PLA2G4C: variants seen among roughly 807,000 people sequenced by gnomAD.
PLA2G4C encodes the protein cytosolic phospholipase A2 gamma.
Under a neutral mutation model 73.8 loss-of-function variants are expected in PLA2G4C, and 64 were observed. The observed-to-expected ratio is 0.87, with a 90% CI of 0.71 to 1.07. PLA2G4C has a LOEUF of 1.07. PLA2G4C is among the 50% of genes least tolerant of loss of function. The pLI, the probability that PLA2G4C is intolerant of heterozygous loss-of-function variation, is 0.00. For missense variants in PLA2G4C, 622 were observed against 665.4 expected, an observed-to-expected ratio of 0.93 and a Z score of 0.72; for synonymous variants, 254 against 252.1, an observed-to-expected ratio of 1.01 and a Z score of -0.07.
chr19:48,064,216 G>C (rs565849506), intron 13 of PLA2G4C, among the ~76,000 whole-genome samples: 5 of 152,262 alleles, frequency 3.3e-5, no homozygotes, highest in African/African-American at 1.2e-4. Flanking sequence ...ATCACCTGAG[G>C]TCAGGAGTTC....
At chr19:48,101,257 T>C (rs140958796) in intron 4 of PLA2G4C, among the ~76,000 whole-genome samples, 1,637 of 151,492 alleles carry the variant, frequency 0.011, 35 homozygotes, top group African/African-American at 0.037. Context: ...CCCAAGTAGC[T>C]GGGACCACTA....
intron 13 of PLA2G4C, among the ~76,000 whole-genome samples, chr19:48,064,361 G>A (rs558919647): frequency 1.2e-4 from 18 of 151,564 alleles, no homozygotes; most frequent in East Asian, 9.7e-4. Flanking sequence ...CCCGGGAGGC[G>A]GAGGTTGCAG....
At position 48,095,512 on chromosome 19, in the gene PLA2G4C, C is replaced by T. The variant is rs904826782; in HGVS notation, c.661G>A (p.Gly221Arg). The change falls in exon 7 of 17, where the codon GGA becomes AGA. Residue 221 changes from glycine to arginine, a missense_variant. Gly to Arg is a moderately radical substitution (Grantham distance 125). Transcript: ENST00000599921. ...ITHFGSKFKK[G>R]RLVRTHPERD... Reference sequence around the variant, plus strand: ...TCAGGGTGAGTTCTGACCAGTCTTCCCTTCTTGAATTTGCTTCCGAAGTGG... The same window carrying T: ...TCAGGGTGAGTTCTGACCAGTCTTCTCTTCTTGAATTTGCTTCCGAAGTGG... 1 of 1,613,946 alleles carries T rather than the reference C, an allele frequency of 6.2e-7. No individual in the cohort carries two copies. Among genetic ancestry groups the T allele is most frequent in the African/African-American group, 1.3e-5 (1 of 74,874 alleles).
At chr19:48,070,108 A>G (rs2122528868) in intron 12 of PLA2G4C, among the ~76,000 whole-genome samples, 1 of 152,250 alleles carries the variant, frequency 6.6e-6, no homozygotes, top group Non-Finnish European at 1.5e-5. Flanking sequence ...CTCATCTGTA[A>G]AACCAGGAAG....
chr19:48,082,876 C>T (rs868612959), intron 10 of PLA2G4C, among the ~76,000 whole-genome samples: 82 of 145,980 alleles, frequency 5.6e-4, no homozygotes, highest in African/African-American at 1.9e-3. Context: ...TGCAGTGGCT[C>T]GATCTTGGCT....
intron 14 of PLA2G4C, among the ~76,000 whole-genome samples, chr19:48,058,691 G>A (rs974803063): frequency 1.3e-5 from 2 of 151,796 alleles, no homozygotes; most frequent in South Asian, 2.1e-4. Flanking sequence ...GGTGGCGGGC[G>A]CCTGTAATCC....
At chr19:48,068,032 G>A (rs1301367706) in intron 12 of PLA2G4C, 146 bp from the exon 13 acceptor site, 32 of 660,702 alleles carry the variant, frequency 4.8e-5, no homozygotes, top group Middle Eastern at 6.5e-4. Context: ...GGGCCGGCGC[G>A]TTGGCTCACG....
At chr19:48,083,871 T>C (rs116307459) in intron 10 of PLA2G4C, among the ~76,000 whole-genome samples, 4,170 of 152,144 alleles carry the variant, frequency 0.027, 152 homozygotes, top group African/African-American at 0.084. Context: ...AGAACCACCA[T>C]ACGATTCCCC....
intron 13 of PLA2G4C, among the ~76,000 whole-genome samples, chr19:48,067,415 G>A (rs906150105): frequency 3.9e-5 from 6 of 152,064 alleles, no homozygotes; most frequent in East Asian, 1.9e-4. Flanking sequence ...TGATCCGCCC[G>A]CCTCAGCCTC....
Position 48,085,077 on chromosome 19 carries a change from T to C in PLA2G4C, c.826A>G (p.Ile276Val). 1 of 1,612,458 alleles carries C rather than the reference T, an allele frequency of 6.2e-7. No homozygotes were observed. The stretch of plus-strand genomic sequence containing the variant: ...TACTCACCAAAAATAAGGTGTCCAA[T>C]GCTTTTAGCATTAGCAACAGCCCTT... ...WRRAVANAKS[I>V]GHLIFARLLR... Residue 276 changes from isoleucine to valine, a missense_variant, in exon 10 of 17, where the codon ATT (isoleucine) becomes GTT (valine). Coordinates refer to ENST00000599921, the MANE Select transcript of PLA2G4C (RefSeq NM_003706.3).
rs761977664 is a variant in PLA2G4C at position 48,055,072 on chromosome 19, T to C, written c.1258-23A>G. On this transcript the variant is annotated intron_variant, in intron 14 of 16. Transcript: ENST00000599921. Reference sequence around the variant, plus strand: ...GGTCTGAGAAGGAGGCAATAAGAAATGGTTGCAAGACCTCTCCAGAAGACC... The same window carrying C: ...GGTCTGAGAAGGAGGCAATAAGAAACGGTTGCAAGACCTCTCCAGAAGACC... 3.2e-6 allele frequency: 5 copies of C among 1,576,236 alleles called. No individual in the cohort carries two copies. In the East Asian group the frequency reaches 9.0e-5, roughly 28 times the overall value.
At chr19:48,070,533 C>T (rs986642857) in intron 12 of PLA2G4C, among the ~76,000 whole-genome samples, 1 of 152,112 alleles carries the variant, frequency 6.6e-6, no homozygotes, top group Non-Finnish European at 1.5e-5. Context: ...GAAAATGTGG[C>T]ACATATACAC....
At chr19:48,108,489 G>A (rs913226479) in intron 1 of PLA2G4C, among the ~76,000 whole-genome samples, 5 of 152,122 alleles carry the variant, frequency 3.3e-5, no homozygotes, top group African/African-American at 1.2e-4. Context: ...GAAGTAGCTG[G>A]GGAAGTTATA....
At chr19:48,102,130 A>G (rs1160745356) in intron 4 of PLA2G4C, among the ~76,000 whole-genome samples, 1 of 151,992 alleles carries the variant, frequency 6.6e-6, no homozygotes, top group Non-Finnish European at 1.5e-5. Context: ...AATGTTTTGG[A>G]TATATTGGGT....
At chr19:48,049,752 G>T (rs548699533) in intron 16 of PLA2G4C, among the ~76,000 whole-genome samples, 1 of 152,304 alleles carries the variant, frequency 6.6e-6, no homozygotes, top group South Asian at 2.1e-4. Context: ...AGGTGAGAAG[G>T]TGGGGAGTGG....
At chr19:48,079,642 C>T (rs2030409602) in intron 10 of PLA2G4C, among the ~76,000 whole-genome samples, 1 of 152,054 alleles carries the variant, frequency 6.6e-6, no homozygotes, top group African/African-American at 2.4e-5. Flanking sequence ...AGTTCATGAC[C>T]AAGAGCCCAA....
At chr19:48,092,772 TA>T (rs141515089) in intron 7 of PLA2G4C, among the ~76,000 whole-genome samples, 11,820 of 152,110 alleles carry the variant, frequency 0.078, 857 homozygotes, top group African/African-American at 0.19. Context: ...GACAGGGACT[TA>T]GTATTCAATG....
At position 48,082,815 on chromosome 19, in the gene PLA2G4C, C is replaced by CTT. The variant is rs936169612; in HGVS notation, c.844+2242_844+2243dup. 1.7e-3 allele frequency among the ~76,000 whole-genome samples: 199 copies of CTT among 120,490 alleles called. 1 individual carries two copies. Among genetic ancestry groups the CTT allele is most frequent in the African/African-American group, 3.6e-3 (114 of 32,008 alleles). 79.0% of individuals were successfully genotyped at this position (120,490 alleles called of 152,430 possible). On this transcript the variant is annotated intron_variant, in intron 10 of 16. Transcript: ENST00000599921. ...TGCCCGGCTTGCTTTTTCTTTCTTT[C>CTT]TTTTTTTTTTTTTTTTGAGACGGAG...
chr19:48,082,891 G>A (rs1235189693), intron 10 of PLA2G4C, among the ~76,000 whole-genome samples: 1 of 142,592 alleles, frequency 7.0e-6, no homozygotes, highest in Non-Finnish European at 1.5e-5. Context: ...TTGGCTCACC[G>A]CAAACTCTGC....
Sources: allele counts gnomAD v4.1 joint callset (sites outside exome capture counted in the v4.1 genomes callset), GRCh38; gene constraint gnomAD v4.1.1; transcripts MANE v1.5; gene names NCBI Gene and HGNC (gene_info 2026-07-23, HGNC 2026-07-21).